Variants in IMMP2L observed in about 807,000 individuals in gnomAD.
IMMP2L encodes mitochondrial inner membrane protease subunit 2.
Under a neutral mutation model 19.3 loss-of-function variants are expected in IMMP2L, and 18 were observed. That is an observed-to-expected ratio of 0.93 (90% CI 0.64 to 1.38). IMMP2L has a LOEUF of 1.38. Among genes scored for constraint, IMMP2L ranks in the 40% most tolerant of loss-of-function variants. IMMP2L has a pLI of 0.00. For missense variants in IMMP2L, 233 were observed against 218.2 expected (o/e 1.07, Z -0.43); for synonymous variants, 76 against 73.0 (o/e 1.04, Z -0.21).
chr7:111,492,454 C>A (rs925316762), intron 2 of IMMP2L: 2 of 891,838 alleles, frequency 2.2e-6, no homozygotes, highest in Non-Finnish European at 2.7e-6. Context: ...GTTTTTTCCC[C>A]ACTTGGAAAC....
rs144257390 is a variant in IMMP2L at position 111,271,267 on chromosome 7, G to A, written c.239+215971C>T. Among the ~76,000 whole-genome samples the A allele has an allele frequency of 5.9e-5, 9 of 152,124 alleles. No homozygotes were observed. The East Asian group carries it at 7.7e-4, about 13-fold the overall frequency. ...TGAGGCCTCCCCAGCCATGCTGAAC[G>A]GTGAATCAATTAAACCTCTTCCTTT... On this transcript the variant is annotated intron_variant, in intron 3 of 5. Transcript: ENST00000405709.
intron 3 of IMMP2L, among the ~76,000 whole-genome samples, chr7:111,163,247 C>T (rs1170909116): frequency 6.6e-6 from 1 of 152,044 alleles, no homozygotes; most frequent in Non-Finnish European, 1.5e-5. Context: ...AGATAGATTG[C>T]TTCTCCTCTG....
chr7:110,947,076 A>G (rs895116801), intron 4 of IMMP2L, among the ~76,000 whole-genome samples: 2 of 152,232 alleles, frequency 1.3e-5, no homozygotes, highest in Admixed American at 6.5e-5. Context: ...AGGAAATAAA[A>G]GGATAATAAA....
intron 5 of IMMP2L, among the ~76,000 whole-genome samples, chr7:110,768,657 C>T (rs184641215): frequency 1.3e-5 from 2 of 152,300 alleles, no homozygotes; most frequent in Admixed American, 6.5e-5. Context: ...CCAGCTTCCG[C>T]TTATCCTATG....
At chr7:110,907,752 A>G (rs901339419) in intron 4 of IMMP2L, among the ~76,000 whole-genome samples, 3 of 152,184 alleles carry the variant, frequency 2.0e-5, no homozygotes, top group Non-Finnish European at 4.4e-5. Context: ...AAAATTTTAT[A>G]TTCATTTTTT....
chr7:110,675,286 G>A (rs1391966130), intron 5 of IMMP2L, among the ~76,000 whole-genome samples: 3 of 151,976 alleles, frequency 2.0e-5, no homozygotes, highest in Non-Finnish European at 4.4e-5. Context: ...TTGTTTAAAG[G>A]GGAAACCAAT....
chr7:110,903,680 A>G (rs1812147715), intron 4 of IMMP2L, among the ~76,000 whole-genome samples: 2 of 152,028 alleles, frequency 1.3e-5, no homozygotes, highest in Admixed American at 6.6e-5. Context: ...GGTTGTTTCT[A>G]TATGCTGTCT....
chr7:111,360,643 C>T (rs1028894033), intron 3 of IMMP2L, among the ~76,000 whole-genome samples: 1 of 151,972 alleles, frequency 6.6e-6, no homozygotes, highest in South Asian at 2.1e-4. Flanking sequence ...CATAGCAAGA[C>T]CTCATCTCTA....
chr7:110,867,813 T>C (rs987338791), intron 5 of IMMP2L, among the ~76,000 whole-genome samples: 1 of 151,992 alleles, frequency 6.6e-6, no homozygotes, highest in East Asian at 1.9e-4. Context: ...AAAATAAGCA[T>C]GACTACACTC....
intron 5 of IMMP2L, among the ~76,000 whole-genome samples, chr7:110,874,926 G>C (rs1215214184): frequency 6.6e-6 from 1 of 152,004 alleles, no homozygotes; most frequent in Non-Finnish European, 1.5e-5. Flanking sequence ...TTTCCACACA[G>C]AGCAGGAGGC....
intron 3 of IMMP2L, among the ~76,000 whole-genome samples, chr7:111,249,532 C>T (rs1341443803): frequency 2.0e-5 from 3 of 152,224 alleles, no homozygotes; most frequent in East Asian, 1.9e-4. Context: ...ATTCGGCCAT[C>T]TTGGCTCCTC....
At chr7:110,940,510 G>T (rs1816622628) in intron 4 of IMMP2L, among the ~76,000 whole-genome samples, 2 of 152,116 alleles carry the variant, frequency 1.3e-5, no homozygotes, top group African/African-American at 4.8e-5. Context: ...CTGCACTGAA[G>T]TTTATAGATT....
chr7:111,035,729 A>C (rs900721406), intron 3 of IMMP2L, among the ~76,000 whole-genome samples: 5 of 152,204 alleles, frequency 3.3e-5, no homozygotes, highest in Admixed American at 1.3e-4. Context: ...GATAACAATA[A>C]GAAATTACTA....
intron 3 of IMMP2L, among the ~76,000 whole-genome samples, chr7:111,269,845 G>C (rs375144598): frequency 6.6e-6 from 1 of 152,128 alleles, no homozygotes; most frequent in African/African-American, 2.4e-5. Context: ...AAATTTTCCT[G>C]GAGTTGCACC....
chr7:111,142,907 C>G (rs975560172), intron 3 of IMMP2L, among the ~76,000 whole-genome samples: 1 of 152,054 alleles, frequency 6.6e-6, no homozygotes, highest in African/African-American at 2.4e-5. Flanking sequence ...ATAGTGATAT[C>G]TTTTACGTTA....
At chr7:110,901,231 C>T (rs1226738147) in intron 4 of IMMP2L, among the ~76,000 whole-genome samples, 5 of 151,936 alleles carry the variant, frequency 3.3e-5, no homozygotes, top group South Asian at 2.1e-4. Flanking sequence ...GCAAATTCCA[C>T]GAAGGTAGAG....
At chr7:110,897,933 T>C (rs375053455) in intron 4 of IMMP2L, among the ~76,000 whole-genome samples, 5 of 151,958 alleles carry the variant, frequency 3.3e-5, no homozygotes, top group East Asian at 3.9e-4. Context: ...GAAAATTATA[T>C]TGAAGATACA....
At chr7:110,683,197 A>ATACATCTG (rs1257868017) in intron 5 of IMMP2L, among the ~76,000 whole-genome samples, 1 of 152,124 alleles carries the variant, frequency 6.6e-6, no homozygotes, top group East Asian at 1.9e-4. Flanking sequence ...TAGTGCAGTT[A>ATACATCTG]TACATCTGTT....
intron 5 of IMMP2L, among the ~76,000 whole-genome samples, chr7:110,830,268 A>G (rs780277545): frequency 4.6e-5 from 7 of 152,170 alleles, no homozygotes; most frequent in Non-Finnish European, 1.0e-4. Flanking sequence ...CTTTTTAGCA[A>G]TAGTGAGGCT....
Sources: gnomAD v4.1 joint callset for allele counts (sites outside exome capture counted in the v4.1 genomes callset) on GRCh38, gnomAD v4.1.1 for gene constraint, MANE v1.5 for transcripts, NCBI Gene and HGNC (gene_info 2026-07-23, HGNC 2026-07-21) for gene names.